Variants in RNASEH1 observed in about 807,000 individuals in gnomAD.
RNASEH1 encodes the protein ribonuclease H1.
A neutral mutation model predicts 34.6 loss-of-function variants in RNASEH1; 27 were observed. That is an observed-to-expected ratio of 0.78 (90% CI 0.58 to 1.08). The LOEUF (loss-of-function observed/expected upper bound fraction) is 1.08. RNASEH1 is among the 50% of genes least tolerant of loss of function. The pLI is 0.00. For missense variants in RNASEH1, 349 were observed against 373.6 expected (o/e 0.93, Z 0.54); for synonymous variants, 162 against 138.4 (o/e 1.17, Z -1.20).
At chr2:3,535,076 G>A in the RNASEH1 span, among the ~76,000 whole-genome samples, 1 of 152,162 alleles carries the variant, frequency 6.6e-6, no homozygotes, top group Non-Finnish European at 1.5e-5. Flanking sequence ...GCTGATGGTT[G>A]TACAGCAGTG....
chr2:3,532,744 A>G, the RNASEH1 span, among the ~76,000 whole-genome samples: 831 of 152,332 alleles, frequency 5.5e-3, 4 homozygotes, highest in Middle Eastern at 0.034. Context: ...TATGCAGTGC[A>G]TGATTGCATG....
At chr2:3,545,992 C>A (rs1668714381) in intron 7 of RNASEH1, 121 bp from the exon 8 acceptor site, 2 of 706,970 alleles carry the variant, frequency 2.8e-6, no homozygotes, top group Non-Finnish European at 5.1e-6. Flanking sequence ...AACTTCAACG[C>A]TCCTCTCCCC....
intron 4 of RNASEH1, 133 bp from the exon 5 acceptor site, chr2:3,549,245 C>T (rs970046331): frequency 1.3e-6 from 1 of 779,320 alleles, no homozygotes; most frequent in Non-Finnish European, 2.2e-6. Context: ...ATCAAACTAA[C>T]AGACTCCCAG....
intron 7 of RNASEH1, among the ~76,000 whole-genome samples, chr2:3,547,069 G>C (rs923853786): frequency 6.6e-6 from 1 of 152,222 alleles, no homozygotes; most frequent in African/African-American, 2.4e-5. Context: ...GTTGCAATGA[G>C]ATCACGCCAT....
the RNASEH1 span, chr2:3,534,251 G>C: frequency 6.6e-6 from 1 of 152,280 alleles, no homozygotes; most frequent in Non-Finnish European, 1.5e-5. Context: ...ACAAGAACTT[G>C]GGACCTGCAG....
the RNASEH1 span, chr2:3,531,869 T>G: frequency 6.1e-6 from 1 of 164,896 alleles, no homozygotes; most frequent in Non-Finnish European, 1.3e-5. Context: ...CTACCTATGG[T>G]CTTTGGTCTT....
At chr2:3,535,752 G>A in the RNASEH1 span, among the ~76,000 whole-genome samples, 1 of 152,208 alleles carries the variant, frequency 6.6e-6, no homozygotes, top group Admixed American at 6.5e-5. Context: ...GATCTGACAT[G>A]GTTTGAAAGT....
At position 3,558,115 on chromosome 2, in the gene RNASEH1, G is replaced by A. The variant is rs1660724561; in HGVS notation, c.128+18C>T. 7 of 1,577,698 alleles carry A rather than the reference G, an allele frequency of 4.4e-6. No homozygotes were observed. The highest frequency in any genetic ancestry group is 5.1e-6 in the Non-Finnish European group (6 of 1,165,302). On this transcript the variant is annotated intron_variant, in intron 1 of 7. Coordinates refer to ENST00000315212, the MANE Select transcript of RNASEH1 (RefSeq NM_002936.6). ...CCCGATGCCGGCAGGGAGGCGCCTC[G>A]GCGGGCGGGCCACTCACCAGGTCAG...
the RNASEH1 span, chr2:3,534,198 C>T: frequency 5.1e-3 from 776 of 152,406 alleles, 44 homozygotes; most frequent in East Asian, 0.13. Context: ...CTGCCCTGCT[C>T]ACTCTCTGGT....
At chr2:3,550,697 G>A (rs1484091594) in intron 3 of RNASEH1, among the ~76,000 whole-genome samples, 1 of 152,172 alleles carries the variant, frequency 6.6e-6, no homozygotes, top group Non-Finnish European at 1.5e-5. Context: ...GCAAGTTCGG[G>A]GTGAAGGCAA....
chr2:3,550,775 G>A (rs1041450259), intron 3 of RNASEH1, among the ~76,000 whole-genome samples: 2 of 152,190 alleles, frequency 1.3e-5, no homozygotes, highest in Non-Finnish European at 2.9e-5. Context: ...TGGGTTCAGA[G>A]GACAATGGCG....
chr2:3,554,384 A>G (rs913295522), intron 2 of RNASEH1, among the ~76,000 whole-genome samples: 2 of 151,630 alleles, frequency 1.3e-5, no homozygotes, highest in African/African-American at 4.8e-5. Flanking sequence ...AAAAAAACAC[A>G]CTTGTCAGTT....
In RNASEH1 at chr2:3,558,219, G is replaced by A. The variant is rs535227006; in HGVS notation, c.42C>T (p.Ala14=). 5 of 1,599,230 alleles carry A rather than the reference G, an allele frequency of 3.1e-6. No individual in the cohort carries two copies. In the East Asian group the frequency reaches 1.1e-4, roughly 37 times the overall value. The change falls in exon 1 of 8, where the codon GCC becomes GCT. Residue 14 remains alanine, a synonymous_variant. Transcript: ENST00000315212. ...LLFLAHRVAL[A]ALPCRRGSRG... The stretch of plus-strand genomic sequence containing the variant: ...GAGAGCCGCGGCGGCAGGGCAAGGC[G>A]GCCAAGGCGACTCTGTGGGCCAGGA...
At chr2:3,539,373 C>T (rs762480796), downstream of RNASEH1, among the ~76,000 whole-genome samples, 6 of 152,158 alleles carry the variant, frequency 3.9e-5, no homozygotes, top group African/African-American at 9.7e-5. Flanking sequence ...CATATACTGG[C>T]GGCTTCCCGT....
rs542256126 is a variant in RNASEH1, at chr2:3,557,860, G to A, written c.128+273C>T. 6.9e-6 allele frequency: 10 copies of A among 1,455,180 alleles called. No homozygotes were observed. The African/African-American group carries it at 1.1e-4, about 16-fold the overall frequency. The allele number at this position is 1,455,180 out of a possible 1,614,324, so 90.1% of individuals were successfully genotyped here. A position where few individuals can be genotyped will look rare whatever the true frequency, so the allele number is the denominator to read the frequency against. ...GCACTTTAACTGCAACAAAGATGGA[G>A]GATTAAACACAGGGTTTATTAGGCC... On this transcript the variant is annotated intron_variant, in intron 1 of 7. Coordinates refer to ENST00000315212, the MANE Select transcript of RNASEH1 (RefSeq NM_002936.6).
chr2:3,549,660 G>C (rs1381609885), intron 4 of RNASEH1, among the ~76,000 whole-genome samples: 7 of 152,004 alleles, frequency 4.6e-5, no homozygotes, highest in Non-Finnish European at 1.0e-4. Context: ...CCCAGCCTGG[G>C]CAACATAGTG....
At chr2:3,549,894 C>T (rs1572307279) in intron 4 of RNASEH1, among the ~76,000 whole-genome samples, 3 of 150,532 alleles carry the variant, frequency 2.0e-5, no homozygotes, top group African/African-American at 4.9e-5. Context: ...TGCAGTGAGC[C>T]GAGATCGCGC....
intron 2 of RNASEH1, among the ~76,000 whole-genome samples, chr2:3,554,497 A>T (rs1186296312): frequency 6.6e-6 from 1 of 152,266 alleles, no homozygotes. Flanking sequence ...TAAAATAAGG[A>T]TAAATGTAAT....
chr2:3,551,104 TAA>T lies in RNASEH1; in HGVS notation c.410-634_410-633del, dbSNP rs1659839743. Among the ~76,000 whole-genome samples, 9 of 152,282 alleles carry T rather than the reference TAA, an allele frequency of 5.9e-5. No homozygotes were observed. In the South Asian group the frequency reaches 1.7e-3, roughly 28 times the overall value. Reference sequence around the variant, plus strand: ...GATCAGAGGTCAGGTTGCACAGTGTTAAAAGAGCTGGGCGAGAGGGCAAATAG... The same window carrying T: ...GATCAGAGGTCAGGTTGCACAGTGTTAAGAGCTGGGCGAGAGGGCAAATAG... On this transcript the variant is annotated intron_variant, in intron 3 of 7. Transcript: ENST00000315212.
Sources: gnomAD v4.1 joint callset for allele counts (sites outside exome capture counted in the v4.1 genomes callset) on GRCh38, gnomAD v4.1.1 for gene constraint, MANE v1.5 for transcripts, NCBI Gene and HGNC (gene_info 2026-07-23, HGNC 2026-07-21) for gene names.